The following DERA variants were observed in gnomAD, a reference collection of about 807,000 sequenced individuals.
DERA encodes the protein deoxyribose-phosphate aldolase.
A neutral mutation model predicts 41.1 loss-of-function variants in DERA; 15 were observed. The ratio of observed to expected loss-of-function variants is 0.37; its 90% CI spans 0.24 to 0.56. DERA has a LOEUF of 0.56. Ranked by LOEUF, DERA falls within the 20% of genes least tolerant of loss-of-function variation. The pLI, the probability that DERA is intolerant of heterozygous loss-of-function variation, is 0.81. For synonymous variants in DERA, 139 were observed against 137.4 expected, an observed-to-expected ratio of 1.01 and a Z score of -0.08; for missense variants, 396 against 403.4, an observed-to-expected ratio of 0.98 and a Z score of 0.16.
At chr12:15,971,384 G>T (rs1948658412) in intron 5 of DERA, among the ~76,000 whole-genome samples, 1 of 152,140 alleles carries the variant, frequency 6.6e-6, no homozygotes, top group Admixed American at 6.5e-5. Flanking sequence ...TAGCAAATGA[G>T]TTCATCTGGC....
Position 15,970,427 on chromosome 12 carries a change from A to G in DERA, c.508+7480A>G, listed in dbSNP as rs1306325326. On this transcript the variant is annotated intron_variant, in intron 5 of 8. Transcript: ENST00000428559. This position sits in a 1 kb window ranked among gnomAD's most constrained non-coding sequence, Gnocchi z 4.3. ...ATAAGTTTTATTAACAGAGTTTTTG[A>G]TGTCTAGAGCAGTGCTTTTCCAGAA... 1.3e-5 allele frequency among the ~76,000 whole-genome samples: 2 copies of G among 152,174 alleles called. No individual in the cohort carries two copies. Among genetic ancestry groups the G allele is most frequent in the African/African-American group, 4.8e-5 (2 of 41,446 alleles).
At chr12:15,961,444 G>A (rs1335409866) in intron 4 of DERA, among the ~76,000 whole-genome samples, 1 of 152,172 alleles carries the variant, frequency 6.6e-6, no homozygotes, top group Non-Finnish European at 1.5e-5. Context: ...GGGGGGCTCA[G>A]GCGAGAGGAT....
intron 5 of DERA, among the ~76,000 whole-genome samples, chr12:15,977,535 C>G (rs1948705845): frequency 6.6e-6 from 1 of 152,362 alleles, no homozygotes; most frequent in East Asian, 1.9e-4. Context: ...TCACTGCAAC[C>G]TTCGCCTCCC....
At chr12:15,937,578 C>G (rs770929691) in intron 1 of DERA, among the ~76,000 whole-genome samples, 1 of 152,158 alleles carries the variant, frequency 6.6e-6, no homozygotes, top group Admixed American at 6.5e-5. Context: ...ATTGGTAATG[C>G]TAATGTATTA....
rs959656521 is a variant in DERA, at chr12:15,983,990, C to T, written c.637+1554C>T. 1.3e-5 allele frequency among the ~76,000 whole-genome samples: 2 copies of T among 152,152 alleles called. No homozygotes were observed. The highest frequency in any genetic ancestry group is 4.8e-5 in the African/African-American group (2 of 41,444). Reference sequence around the variant, plus strand: ...TGCCTCTTAGGAACCTGGGAAAAGCCCCTTGGAGGCTACTTGGTGTACAGG... The same window carrying T: ...TGCCTCTTAGGAACCTGGGAAAAGCTCCTTGGAGGCTACTTGGTGTACAGG... On this transcript the variant is annotated intron_variant, in intron 6 of 8. Transcript: ENST00000428559. This position sits in a 1 kb window ranked among gnomAD's most constrained non-coding sequence, Gnocchi z 6.2.
rs190142925 is a variant in DERA at position 16,015,248 on chromosome 12, G to A, written c.638-17294G>A. 5.2e-4 allele frequency among the ~76,000 whole-genome samples: 79 copies of A among 152,268 alleles called. 2 individuals carry two copies. In the East Asian group the frequency reaches 0.012, roughly 23 times the overall value. On this transcript the variant is annotated intron_variant, in intron 6 of 8. Coordinates refer to ENST00000428559, the MANE Select transcript of DERA (RefSeq NM_015954.4). The stretch of plus-strand genomic sequence containing the variant: ...GGAAGGGCCAGGGGCAGAATGATAG[G>A]GTTAGGCTTTGTATCCCCACCCAAA...
In DERA at chr12:15,966,823, G is replaced by A. The variant is rs190279718; in HGVS notation, c.508+3876G>A. Among the ~76,000 whole-genome samples, 73 of 152,168 alleles carry A rather than the reference G, an allele frequency of 4.8e-4. No individual in the cohort carries two copies. Among genetic ancestry groups the A allele is most frequent in the Non-Finnish European group, 9.3e-4 (63 of 67,996 alleles). On this transcript the variant is annotated intron_variant, in intron 5 of 8. Coordinates refer to ENST00000428559, the MANE Select transcript of DERA (RefSeq NM_015954.4). This position sits in a 1 kb window ranked among gnomAD's most constrained non-coding sequence, Gnocchi z 5.1. ...AGTGTGACTTTTCCACAACCTTGGT[G>A]TGCTTTCCTTTGGAAACGTCATGTC... is the stretch of plus-strand genomic sequence containing the variant.
intron 5 of DERA, among the ~76,000 whole-genome samples, chr12:15,975,459 G>T (rs1047780342): frequency 2.6e-5 from 4 of 152,208 alleles, no homozygotes; most frequent in Non-Finnish European, 5.9e-5. Flanking sequence ...TGAGAATCTT[G>T]CAGCCCCTAG....
rs1426796932 is a variant in DERA at position 16,003,829 on chromosome 12, C to T, written c.637+21393C>T. Among the ~76,000 whole-genome samples the T allele has an allele frequency of 6.6e-6, 1 of 152,168 alleles. No homozygotes were observed. Among genetic ancestry groups the T allele is most frequent in the Non-Finnish European group, 1.5e-5 (1 of 68,034 alleles). ...GTATCACCATCTTGAGATTCCTTAT[C>T]CAAATTTAAACTCCATTAGTAATTT... is the stretch of plus-strand genomic sequence containing the variant. On this transcript the variant is annotated intron_variant, in intron 6 of 8. Transcript: ENST00000428559. The surrounding 1 kb of genome is among the most constrained non-coding windows in gnomAD (Gnocchi z 4.8).
In DERA at chr12:15,989,468, TTAAG is replaced by T. The variant is rs1449402830; in HGVS notation, c.637+7035_637+7038del. Among the ~76,000 whole-genome samples, 1 of 152,238 alleles carries T rather than the reference TTAAG, an allele frequency of 6.6e-6. No individual in the cohort carries two copies. Among genetic ancestry groups the T allele is most frequent in the Non-Finnish European group, 1.5e-5 (1 of 68,042 alleles). On this transcript the variant is annotated intron_variant, in intron 6 of 8. Transcript: ENST00000428559. This position sits in a 1 kb window ranked among gnomAD's most constrained non-coding sequence, Gnocchi z 5.2. The stretch of plus-strand genomic sequence containing the variant: ...TCACTGGTTGAGATCATATTTTCCT[TTAAG>T]TACTTGAGTATATTTGTAATAGCTG...
chr12:15,914,366 T>G (rs1948184703), intron 1 of DERA, among the ~76,000 whole-genome samples: 1 of 141,438 alleles, frequency 7.1e-6, no homozygotes, highest in African/African-American at 2.6e-5. Flanking sequence ...GGCAACAGAC[T>G]GGAGACAGAC....
chr12:15,935,494 T>C lies in DERA; in HGVS notation c.32-21442T>C, dbSNP rs966513960. On this transcript the variant is annotated intron_variant, in intron 1 of 8. Coordinates refer to ENST00000428559, the MANE Select transcript of DERA (RefSeq NM_015954.4). This position sits in a 1 kb window ranked among gnomAD's most constrained non-coding sequence, Gnocchi z 4.8. ...AGAGTGAGACCCTGTCTCAAAAAAA[T>C]AAAAAGTTTCACTATAATTTTTAAA... 2.0e-5 allele frequency among the ~76,000 whole-genome samples: 3 copies of C among 152,020 alleles called. No individual in the cohort carries two copies. Among genetic ancestry groups the C allele is most frequent in the African/African-American group, 7.2e-5 (3 of 41,396 alleles).
At chr12:15,961,506 AAAAAT>A (rs146674807) in intron 4 of DERA, among the ~76,000 whole-genome samples, 3,907 of 152,248 alleles carry the variant, frequency 0.026, 178 homozygotes, top group African/African-American at 0.089. Flanking sequence ...ATCTCTACAA[AAAAAT>A]AAAATAAGTA....
intron 1 of DERA, among the ~76,000 whole-genome samples, chr12:15,916,779 A>G (rs561404998): frequency 2.4e-4 from 36 of 152,158 alleles, no homozygotes; most frequent in Admixed American, 1.6e-3. Flanking sequence ...TATTCTTTTA[A>G]AAAATGTTTA....
Position 15,999,715 on chromosome 12 carries a change from G to C in DERA, c.637+17279G>C, listed in dbSNP as rs576403469. ...GCTAAGGAATTGAAGTTTCGTGTTT[G>C]GGGGTACAGGAAATTTTTAGCCTGA... On this transcript the variant is annotated intron_variant, in intron 6 of 8. Transcript: ENST00000428559. The surrounding 1 kb of genome is among the most constrained non-coding windows in gnomAD (Gnocchi z 5.3). 3.2e-4 allele frequency among the ~76,000 whole-genome samples: 49 copies of C among 152,276 alleles called. 1 individual carries two copies. Among genetic ancestry groups the C allele is most frequent in the African/African-American group, 1.1e-3 (44 of 41,548 alleles).
rs1161440624 is a variant in DERA at position 16,036,090 on chromosome 12, G to A, written c.751-142G>A. ...GAATGAGCATGAGTCACTGATCTAA[G>A]CCCTTTCACTGGATGAAGTGAAAAG... On this transcript the variant is annotated intron_variant, in intron 7 of 8. Coordinates refer to ENST00000428559, the MANE Select transcript of DERA (RefSeq NM_015954.4). The surrounding 1 kb of genome is among the most constrained non-coding windows in gnomAD (Gnocchi z 4.9). 8 of 711,142 alleles carry A rather than the reference G, an allele frequency of 1.1e-5. No individual in the cohort carries two copies. Among genetic ancestry groups the A allele is most frequent in the Non-Finnish European group, 1.6e-5 (8 of 487,264 alleles). The allele number at this position is 711,142 out of a possible 1,614,324, so 44.1% of individuals were successfully genotyped here.
chr12:15,998,320 T>C lies in DERA; in HGVS notation c.637+15884T>C, dbSNP rs1948852651. On this transcript the variant is annotated intron_variant, in intron 6 of 8. Transcript: ENST00000428559. This position sits in a 1 kb window ranked among gnomAD's most constrained non-coding sequence, Gnocchi z 4.8. ...ACACAGGAAGTCTTTCCTTTATTTA[T>C]TTATTTATTTATTTAGAGACGGAGT... Among the ~76,000 whole-genome samples, 1 of 134,398 alleles carries C rather than the reference T, an allele frequency of 7.4e-6. No individual in the cohort carries two copies. The highest frequency in any genetic ancestry group is 1.5e-5 in the Non-Finnish European group (1 of 67,912). 88.2% of individuals were successfully genotyped at this position (134,398 alleles called of 152,430 possible).
chr12:15,926,143 C>T (rs980537594), intron 1 of DERA, among the ~76,000 whole-genome samples: 11 of 151,870 alleles, frequency 7.2e-5, no homozygotes, highest in African/African-American at 2.4e-4. Flanking sequence ...GCTTTTACAG[C>T]CACTTTCCTC....
chr12:15,930,908 A>G (rs1192263835), intron 1 of DERA, among the ~76,000 whole-genome samples: 1 of 152,158 alleles, frequency 6.6e-6, no homozygotes, highest in Non-Finnish European at 1.5e-5. Context: ...TTGTGGTAAG[A>G]GTAGGACATT....
Sources: gnomAD v4.1 joint callset for allele counts (sites outside exome capture counted in the v4.1 genomes callset) on GRCh38, gnomAD v4.1.1 for gene constraint, Gnocchi (gnomAD v3.1) non-coding constraint, MANE v1.5 for transcripts, NCBI Gene and HGNC (gene_info 2026-07-23, HGNC 2026-07-21) for gene names.